USP15: variants seen among roughly 807,000 people sequenced by gnomAD.
USP15 encodes ubiquitin carboxyl-terminal hydrolase 15.
Under a neutral mutation model 127.1 loss-of-function variants are expected in USP15, and 18 were observed. The observed-to-expected ratio is 0.14, with a 90% CI of 0.10 to 0.21. USP15 has a LOEUF of 0.21. Among genes scored for constraint, USP15 ranks in the 10% least tolerant of loss-of-function variants. The pLI, the probability that USP15 is intolerant of heterozygous loss-of-function variation, is 1.00. For missense variants in USP15, 805 were observed against 1,159.9 expected (o/e 0.69, Z 4.44); for synonymous variants, 364 against 393.7 (o/e 0.92, Z 0.89).
Position 62,392,362 on chromosome 12 carries a change from G to A in USP15, c.2395G>A (p.Glu799Lys). ...TTGCATTGAACTTTTTACAACAAAA[G>A]AAAAGCTAGGTGCTGAAGATCCCTG... ...KDCIELFTTK[E>K]KLGAEDPWYC... The change falls in exon 18 of 22, where the codon GAA becomes AAA. Residue 799 changes from glutamate to lysine, a missense_variant. Physicochemically the swap from Glu to Lys is moderately conservative, Grantham distance 56. Transcript: ENST00000280377. The A allele has an allele frequency of 6.2e-7, 1 of 1,603,866 alleles. No individual in the cohort carries two copies. Among genetic ancestry groups the A allele is most frequent in the Non-Finnish European group, 8.5e-7 (1 of 1,176,478 alleles).
intron 20 of USP15, among the ~76,000 whole-genome samples, chr12:62,396,864 TA>T (rs1419596084): frequency 6.6e-6 from 1 of 152,216 alleles, no homozygotes; most frequent in Non-Finnish European, 1.5e-5. Context: ...TCTCTCCACT[TA>T]CCTCATGATA....
chr12:62,368,054 A>G (rs2066536714), intron 8 of USP15, among the ~76,000 whole-genome samples: 1 of 152,004 alleles, frequency 6.6e-6, no homozygotes, highest in Non-Finnish European at 1.5e-5. Flanking sequence ...TTCTGCCTTC[A>G]TTTCATTATT....
At chr12:62,359,942 T>C (rs919151469) in intron 8 of USP15, among the ~76,000 whole-genome samples, 4 of 152,160 alleles carry the variant, frequency 2.6e-5, no homozygotes, top group Non-Finnish European at 4.4e-5. Context: ...TCTAGTTCCC[T>C]AAATCTGTTA....
At chr12:62,265,437 T>C (rs1331409609) in intron 1 of USP15, among the ~76,000 whole-genome samples, 1 of 152,246 alleles carries the variant, frequency 6.6e-6, no homozygotes, top group Non-Finnish European at 1.5e-5. Flanking sequence ...ATAGGAATCA[T>C]AGGCTCAAAA....
rs1436174465 is a variant in USP15, at chr12:62,302,825, G to A, written c.253G>A (p.Asp85Asn). ...CCAGTCACTTAAGGAACACCTTATT[G>A]ATGAATTGGATTACATACTGTTGCC... ...DAQSLKEHLI[D>N]ELDYILLPTE... Residue 85 changes from aspartate (D) to asparagine (N), a missense_variant, in exon 3 of 22, where the codon GAT becomes AAT. Physicochemically the swap from Asp to Asn is conservative, Grantham distance 23. Transcript: ENST00000280377. The A allele has an allele frequency of 6.2e-7, 1 of 1,611,958 alleles. No individual in the cohort carries two copies. The highest frequency in any genetic ancestry group is 1.3e-5 in the African/African-American group (1 of 74,822).
intron 6 of USP15, chr12:62,335,022 A>G: frequency 1.4e-6 from 1 of 704,114 alleles, no homozygotes; most frequent in Non-Finnish European, 2.3e-6. Flanking sequence ...CTTCAGCTAA[A>G]TGGAAGTCTT....
At chr12:62,292,303 A>G (rs1440309176) in intron 1 of USP15, among the ~76,000 whole-genome samples, 6 of 152,338 alleles carry the variant, frequency 3.9e-5, no homozygotes, top group Non-Finnish European at 8.8e-5. Flanking sequence ...GCCTAGAACT[A>G]CAGGAGATGC....
At chr12:62,326,815 A>G (rs972327538) in intron 6 of USP15, among the ~76,000 whole-genome samples, 12 of 152,232 alleles carry the variant, frequency 7.9e-5, no homozygotes, top group Admixed American at 5.2e-4. Context: ...GAATAAAAAA[A>G]TCTGCTACTT....
At chr12:62,272,783 A>G (rs565791977) in intron 1 of USP15, among the ~76,000 whole-genome samples, 1 of 152,208 alleles carries the variant, frequency 6.6e-6, no homozygotes, top group African/African-American at 2.4e-5. Context: ...ATTATTTATC[A>G]TAATGCCTTC....
chr12:62,326,067 G>C, intron 6 of USP15, 134 bp downstream of exon 6: 2 of 701,720 alleles, frequency 2.9e-6, no homozygotes, highest in Non-Finnish European at 4.5e-6. Context: ...TGAGTATTTT[G>C]TTCTTAGTAT....
intron 1 of USP15, among the ~76,000 whole-genome samples, chr12:62,281,919 G>A (rs550747685): frequency 1.3e-5 from 2 of 152,192 alleles, no homozygotes; most frequent in Admixed American, 6.5e-5. Flanking sequence ...TTTTAGTACC[G>A]CAGTCCCTTT....
intron 7 of USP15, among the ~76,000 whole-genome samples, chr12:62,352,771 G>A (rs1321152369): frequency 6.6e-6 from 1 of 151,844 alleles, no homozygotes; most frequent in African/African-American, 2.4e-5. Context: ...AAAGTCAGGT[G>A]TCAGTGCTAG....
chr12:62,397,691 T>C (rs541285688), intron 20 of USP15, among the ~76,000 whole-genome samples: 1 of 151,962 alleles, frequency 6.6e-6, no homozygotes, highest in Non-Finnish European at 1.5e-5. Context: ...ACCCTGTCTG[T>C]ACTAAAAATA....
chr12:62,330,659 A>T (rs1025232709), intron 6 of USP15, among the ~76,000 whole-genome samples: 1 of 150,260 alleles, frequency 6.7e-6, no homozygotes, highest in African/African-American at 2.5e-5. Context: ...GGTGGCTCAC[A>T]CCTGTAATCC....
intron 20 of USP15, 93 bp from the exon 21 acceptor site, chr12:62,401,094 T>C: frequency 1.4e-6 from 1 of 729,762 alleles, no homozygotes; most frequent in South Asian, 1.9e-5. Context: ...TCAGTGTTAA[T>C]AGATATTCCT....
chr12:62,384,888 A>C (rs1162743581), intron 11 of USP15, among the ~76,000 whole-genome samples: 4 of 151,868 alleles, frequency 2.6e-5, no homozygotes, highest in Non-Finnish European at 5.9e-5. Flanking sequence ...TGTCTGCCTG[A>C]TTCCGTTACC....
At chr12:62,281,741 G>A (rs2063655605) in intron 1 of USP15, among the ~76,000 whole-genome samples, 1 of 152,080 alleles carries the variant, frequency 6.6e-6, no homozygotes, top group Non-Finnish European at 1.5e-5. Flanking sequence ...AGATAGTATT[G>A]AAAGCAATTA....
chr12:62,335,901 T>C (rs2065446530), intron 6 of USP15: 2 of 985,450 alleles, frequency 2.0e-6, no homozygotes, highest in Non-Finnish European at 1.2e-6. Context: ...CGACCTTTTA[T>C]GCCAAGGACT....
chr12:62,355,398 G>A lies in USP15; in HGVS notation c.838G>A (p.Gly280Arg). 1 of 1,611,436 alleles carries A rather than the reference G, an allele frequency of 6.2e-7. No individual in the cohort carries two copies. Among genetic ancestry groups the A allele is most frequent in the Non-Finnish European group, 8.5e-7 (1 of 1,178,392 alleles). The change falls in exon 8 of 22, where the codon GGA becomes AGA. Residue 280 changes from glycine to arginine, a missense_variant. Physicochemically the swap from Gly to Arg is moderately radical, Grantham distance 125. Coordinates refer to ENST00000280377, the MANE Select transcript of USP15 (RefSeq NM_001252078.2). The stretch of plus-strand genomic sequence containing the variant: ...TAAGAACTATGATTATTCGGAACCT[G>A]GAAGAAACAATGAACAGCCAGGCCT... ...AYKNYDYSEP[G>R]RNNEQPGLCG...
Sources: allele counts gnomAD v4.1 joint callset (sites outside exome capture counted in the v4.1 genomes callset), GRCh38; gene constraint gnomAD v4.1.1; transcripts MANE v1.5; gene names NCBI Gene and HGNC (gene_info 2026-07-23, HGNC 2026-07-21).